The following DNAJC1 variants were observed in gnomAD, a reference collection of about 807,000 sequenced individuals.
DNAJC1 encodes the protein dnaJ homolog subfamily C member 1.
Under a neutral mutation model 76.6 loss-of-function variants are expected in DNAJC1, and 58 were observed. That is an observed-to-expected ratio of 0.76 (90% CI 0.61 to 0.94). The LOEUF is 0.94. DNAJC1 is among the 40% of genes least tolerant of loss of function. The probability of loss-of-function intolerance (pLI) is 0.00; values close to 1 mark genes in which losing one functional copy is unlikely to be tolerated. For synonymous variants in DNAJC1, 258 were observed against 267.9 expected (o/e 0.96, Z 0.36); for missense variants, 689 against 677.3 (o/e 1.02, Z -0.19).
chr10:21,838,410 G>C (rs1319725968), intron 8 of DNAJC1, among the ~76,000 whole-genome samples: 1 of 152,156 alleles, frequency 6.6e-6, no homozygotes, highest in Non-Finnish European at 1.5e-5. Flanking sequence ...TTGTTAAACA[G>C]ATGCTTGAAG....
chr10:21,816,982 G>T (rs1334534522), intron 8 of DNAJC1, among the ~76,000 whole-genome samples: 1 of 146,040 alleles, frequency 6.8e-6, no homozygotes, highest in Admixed American at 6.8e-5. Flanking sequence ...GTGAAACCCC[G>T]TCTCTACTAA....
chr10:21,892,928 C>T (rs927248035), intron 7 of DNAJC1, among the ~76,000 whole-genome samples: 9 of 151,934 alleles, frequency 5.9e-5, no homozygotes, highest in Non-Finnish European at 1.2e-4. Flanking sequence ...TAATTACAGT[C>T]AAAAAGTCCA....
chr10:21,917,484 G>T (rs772181822), intron 6 of DNAJC1, among the ~76,000 whole-genome samples: 10 of 151,750 alleles, frequency 6.6e-5, no homozygotes, highest in Non-Finnish European at 1.2e-4. Context: ...TTTGCCTATT[G>T]CACGGATTCT....
Position 21,833,992 on chromosome 10 carries a change from C to T in DNAJC1, c.979-27893G>A, listed in dbSNP as rs546635555. 4.7e-4 allele frequency among the ~76,000 whole-genome samples: 71 copies of T among 151,946 alleles called. 1 individual carries two copies. In the East Asian group the frequency reaches 6.4e-3, roughly 14 times the overall value. On this transcript the variant is annotated intron_variant, in intron 8 of 11. Coordinates refer to ENST00000376980, the MANE Select transcript of DNAJC1 (RefSeq NM_022365.4). ...AAAGAGGGGTTCCCCAGGCCAGGTG[C>T]GGTGGCTCACACCTGTAATCACAGC...
At chr10:21,889,632 G>C (rs565355772) in intron 7 of DNAJC1, among the ~76,000 whole-genome samples, 1 of 152,238 alleles carries the variant, frequency 6.6e-6, no homozygotes, top group East Asian at 1.9e-4. Flanking sequence ...TACCCACAGT[G>C]GTCAGTTCTA....
rs374001077 is a variant in DNAJC1, at chr10:21,835,788, A to G, written c.979-29689T>C. 2.6e-5 allele frequency among the ~76,000 whole-genome samples: 4 copies of G among 152,310 alleles called. No homozygotes were observed. The East Asian group carries it at 7.7e-4, about 29-fold the overall frequency. On this transcript the variant is annotated intron_variant, in intron 8 of 11. Transcript: ENST00000376980. ...AGAAGTTTACATAAAAAAGAATGAA[A>G]AGAAACGAACAAAGCCTCCAAGAAA...
Position 21,928,499 on chromosome 10 carries a change from C to T in DNAJC1, c.371+7G>A. 2 of 1,610,806 alleles carry T rather than the reference C, an allele frequency of 1.2e-6. No individual in the cohort carries two copies. The highest frequency in any genetic ancestry group is 1.7e-6 in the Non-Finnish European group (2 of 1,177,594). The stretch of plus-strand genomic sequence containing the variant: ...ATCTTAATTCAAAAGCAGAAATGAA[C>T]ACTCACCTCTGCCTTCGTTCATCAT... On this transcript the variant is annotated splice_region_variant and intron_variant, in intron 3 of 11. Transcript: ENST00000376980.
At chr10:21,870,458 C>T (rs1836084699) in intron 8 of DNAJC1, among the ~76,000 whole-genome samples, 1 of 152,092 alleles carries the variant, frequency 6.6e-6, no homozygotes, top group Admixed American at 6.6e-5. Context: ...CTTGCAGCAT[C>T]ATGAGTAAGA....
chr10:21,858,651 T>A (rs567590580), intron 8 of DNAJC1, among the ~76,000 whole-genome samples: 11 of 152,214 alleles, frequency 7.2e-5, no homozygotes, highest in Non-Finnish European at 1.2e-4. Context: ...GCAATAAGGA[T>A]GCAGGATAGT....
chr10:21,855,455 G>A (rs936631095), intron 8 of DNAJC1, among the ~76,000 whole-genome samples: 1 of 151,926 alleles, frequency 6.6e-6, no homozygotes, highest in Non-Finnish European at 1.5e-5. Context: ...TTTTCTAATA[G>A]GCAAAGCTCA....
At chr10:21,771,562 G>C (rs1396220406) in intron 9 of DNAJC1, among the ~76,000 whole-genome samples, 4 of 152,008 alleles carry the variant, frequency 2.6e-5, no homozygotes, top group Non-Finnish European at 4.4e-5. Context: ...GCAATGGCAC[G>C]ATCTCGGCTG....
intron 8 of DNAJC1, among the ~76,000 whole-genome samples, chr10:21,858,038 A>G (rs1271729833): frequency 6.6e-6 from 1 of 152,224 alleles, no homozygotes; most frequent in Non-Finnish European, 1.5e-5. Context: ...TATCTAATTA[A>G]AAGTATTGGT....
At chr10:21,816,541 C>CTTTTT (rs1356219712) in intron 8 of DNAJC1, among the ~76,000 whole-genome samples, 1 of 147,288 alleles carries the variant, frequency 6.8e-6, no homozygotes, top group African/African-American at 2.5e-5. Flanking sequence ...CACTGTCTCT[C>CTTTTT]TCTCTTTTTT....
At chr10:21,859,772 C>T (rs1835893475) in intron 8 of DNAJC1, among the ~76,000 whole-genome samples, 1 of 151,850 alleles carries the variant, frequency 6.6e-6, no homozygotes, top group East Asian at 1.9e-4. Context: ...CAGATAAACT[C>T]TTGGAGAAAA....
intron 1 of DNAJC1, among the ~76,000 whole-genome samples, chr10:21,993,644 C>A (rs1019514774): frequency 2.6e-5 from 4 of 152,046 alleles, no homozygotes; most frequent in Non-Finnish European, 5.9e-5. Context: ...TGCATTTTTT[C>A]TGTATACGTT....
chr10:21,892,240 G>T (rs1175205763), intron 7 of DNAJC1, among the ~76,000 whole-genome samples: 6 of 151,654 alleles, frequency 4.0e-5, no homozygotes, highest in Non-Finnish European at 5.9e-5. Context: ...AGAAAACAAA[G>T]AAATGATAAT....
chr10:21,780,620 G>A (rs1444799390), intron 9 of DNAJC1, among the ~76,000 whole-genome samples: 1 of 152,110 alleles, frequency 6.6e-6, no homozygotes, highest in Non-Finnish European at 1.5e-5. Context: ...AGGAACAACT[G>A]GTACCAGCCA....
chr10:21,933,599 G>C (rs1837260968), intron 1 of DNAJC1, among the ~76,000 whole-genome samples: 1 of 152,088 alleles, frequency 6.6e-6, no homozygotes, highest in Non-Finnish European at 1.5e-5. Context: ...CTGCCCAACT[G>C]AGTGTGGAAG....
chr10:21,778,793 G>A (rs1365759798), intron 9 of DNAJC1, among the ~76,000 whole-genome samples: 2 of 152,224 alleles, frequency 1.3e-5, no homozygotes, highest in East Asian at 3.9e-4. Flanking sequence ...GAAGCAGGGC[G>A]AGGCATTGCC....
Sources: allele counts gnomAD v4.1 joint callset (sites outside exome capture counted in the v4.1 genomes callset), GRCh38; gene constraint gnomAD v4.1.1; transcripts MANE v1.5; gene names NCBI Gene and HGNC (gene_info 2026-07-23, HGNC 2026-07-21).